Variants in PTPRU observed in about 807,000 individuals in gnomAD.
PTPRU encodes the protein receptor-type tyrosine-protein phosphatase U.
Under a neutral mutation model 166.3 loss-of-function variants are expected in PTPRU, and 69 were observed. That is an observed-to-expected ratio of 0.41 (90% CI 0.34 to 0.51). The LOEUF is 0.51. Ranked by LOEUF, PTPRU falls within the 20% of genes least tolerant of loss-of-function variation. The pLI, the probability that PTPRU is intolerant of heterozygous loss-of-function variation, is 0.09. For synonymous variants in PTPRU, 793 were observed against 814.0 expected, an observed-to-expected ratio of 0.97 and a Z score of 0.44; for missense variants, 1,657 against 2,013.7, an observed-to-expected ratio of 0.82 and a Z score of 3.39.
At chr1:29,318,413 A>G (rs942142733) in intron 25 of PTPRU, among the ~76,000 whole-genome samples, 2 of 152,212 alleles carry the variant, frequency 1.3e-5, no homozygotes, top group African/African-American at 2.4e-5. Flanking sequence ...CCCTGCTTCA[A>G]GCTCAGGGGC....
chr1:29,290,801 C>G (rs1180434002), intron 14 of PTPRU, among the ~76,000 whole-genome samples: 2 of 152,284 alleles, frequency 1.3e-5, no homozygotes. Flanking sequence ...TCTGCTTAAT[C>G]TCACATTGAG....
At chr1:29,239,266 C>T (rs562550568) in intron 1 of PTPRU, among the ~76,000 whole-genome samples, 1 of 152,152 alleles carries the variant, frequency 6.6e-6, no homozygotes, top group Non-Finnish European at 1.5e-5. Context: ...CCGGAGCTTC[C>T]GGGTAGGGGC....
chr1:29,289,804 C>T, intron 14 of PTPRU: 1 of 1,471,358 alleles, frequency 6.8e-7, no homozygotes, highest in Non-Finnish European at 9.4e-7. Context: ...AGTCTCGCTG[C>T]ACCCAGCCTG....
rs1412248490 is a variant in PTPRU at position 29,292,027 on chromosome 1, G to A, written c.2476+1G>A. 6.2e-7 allele frequency: 1 copy of A among 1,613,836 alleles called. No individual in the cohort carries two copies. The highest frequency in any genetic ancestry group is 8.5e-7 in the Non-Finnish European group (1 of 1,179,930). On this transcript the variant is annotated splice_donor_variant, in intron 15 of 29. Transcript: ENST00000373779. LOFTEE classifies it high-confidence loss of function. ...GACACCCATGGCTACAGCACCCGGG[G>A]TGAGTGCCCGGCCCTCCTACCCCTT...
At chr1:29,266,125 A>T (rs377111317) in intron 7 of PTPRU, among the ~76,000 whole-genome samples, 2 of 141,840 alleles carry the variant, frequency 1.4e-5, no homozygotes, top group East Asian at 4.2e-4. Flanking sequence ...GGCTCAAGTG[A>T]TTCTCCTGCT....
chr1:29,300,314 AAC>A (rs1253727406), intron 15 of PTPRU, among the ~76,000 whole-genome samples: 2 of 152,206 alleles, frequency 1.3e-5, no homozygotes, highest in Non-Finnish European at 2.9e-5. Flanking sequence ...ATGTTTATGA[AAC>A]ATTGCTGTTT....
chr1:29,297,971 A>G (rs931274778), intron 15 of PTPRU, among the ~76,000 whole-genome samples: 1 of 152,012 alleles, frequency 6.6e-6, no homozygotes, highest in African/African-American at 2.4e-5. Context: ...TGGAAACTCA[A>G]AAGGTGCTAG....
At position 29,295,044 on chromosome 1, in the gene PTPRU, TCTG is replaced by T. The variant is rs1331722365; in HGVS notation, c.2476+3019_2476+3021del. Among the ~76,000 whole-genome samples the T allele has an allele frequency of 7.9e-5, 12 of 152,168 alleles. No homozygotes were observed. In the East Asian group the frequency reaches 9.6e-4, roughly 12 times the overall value. ...GCTATTTTTGTTTTCATTCTCTCTC[TCTG>T]TCTTAATGAGATAGGATCTAGCTCT... On this transcript the variant is annotated intron_variant, in intron 15 of 29. Transcript: ENST00000373779.
intron 7 of PTPRU, among the ~76,000 whole-genome samples, chr1:29,262,928 T>C (rs1685135812): frequency 6.6e-6 from 1 of 152,228 alleles, no homozygotes. Flanking sequence ...TTCACATAAA[T>C]GGAATCATAT....
At chr1:29,292,256 C>T (rs1276891650) in intron 15 of PTPRU, among the ~76,000 whole-genome samples, 1 of 152,190 alleles carries the variant, frequency 6.6e-6, no homozygotes, top group African/African-American at 2.4e-5. Context: ...ATGCAAGGTC[C>T]ATTGTGACAG....
At chr1:29,241,792 G>C (rs886784187) in intron 1 of PTPRU, among the ~76,000 whole-genome samples, 19 of 144,584 alleles carry the variant, frequency 1.3e-4, no homozygotes, top group Non-Finnish European at 2.9e-4. Context: ...ACTGGGTTTC[G>C]TCATGTTGGT....
At chr1:29,310,938 C>T (rs773063712) in intron 19 of PTPRU, among the ~76,000 whole-genome samples, 158 bp downstream of exon 19, 12 of 152,160 alleles carry the variant, frequency 7.9e-5, no homozygotes, top group Non-Finnish European at 1.8e-4. Context: ...CATCTGCTCC[C>T]GATTCTGCTG....
chr1:29,285,394 C>A (rs906909925), intron 14 of PTPRU, among the ~76,000 whole-genome samples: 10 of 152,148 alleles, frequency 6.6e-5, no homozygotes, highest in African/African-American at 2.2e-4. Context: ...CCTTGAGGAG[C>A]CCTCCTGGGC....
chr1:29,238,287 T>G lies in PTPRU; in HGVS notation c.73+1570T>G, dbSNP rs141206801. Among the ~76,000 whole-genome samples, 427 of 152,198 alleles carry G rather than the reference T, an allele frequency of 2.8e-3. 1 individual carries two copies. The highest frequency in any genetic ancestry group is 0.01 in the Middle Eastern group (3 of 294). ...TGTGTGTGCGTGCGCGTGTTCCACA[T>G]CCCACCCTGAGGCCTGGGATCCTAG... On this transcript the variant is annotated intron_variant, in intron 1 of 29. Coordinates refer to ENST00000373779, the MANE Select transcript of PTPRU (RefSeq NM_133178.4). The surrounding 1 kb of genome is among the most constrained non-coding windows in gnomAD (Gnocchi z 6.1).
At chr1:29,301,757 C>T (rs549678702) in intron 15 of PTPRU, among the ~76,000 whole-genome samples, 20 of 152,098 alleles carry the variant, frequency 1.3e-4, no homozygotes, top group Admixed American at 2.0e-4. Flanking sequence ...TGACAGGCCC[C>T]GGTGTGTGAT....
chr1:29,259,139 G>A, intron 3 of PTPRU, 122 bp from the exon 4 acceptor site: 2 of 1,111,458 alleles, frequency 1.8e-6, no homozygotes, highest in Non-Finnish European at 2.6e-6. Flanking sequence ...GAGGGTCAGT[G>A]TGAGCTGGGC....
At chr1:29,310,601 C>A in intron 18 of PTPRU, 143 bp from the exon 19 acceptor site, 1 of 862,668 alleles carries the variant, frequency 1.2e-6, no homozygotes, top group Non-Finnish European at 1.9e-6. Context: ...CAAAGTCATC[C>A]TGCTTAGGAG....
intron 8 of PTPRU, among the ~76,000 whole-genome samples, chr1:29,277,544 T>C (rs1370449264): frequency 6.6e-6 from 1 of 152,220 alleles, no homozygotes; most frequent in Non-Finnish European, 1.5e-5. Context: ...TTGGTAAATG[T>C]TCCAGTGTAT....
Position 29,279,079 on chromosome 1 carries a change from G to A in PTPRU, c.1521G>A (p.Trp507Ter). 6.3e-7 allele frequency: 1 copy of A among 1,590,646 alleles called. No individual in the cohort carries two copies. The highest frequency in any genetic ancestry group is 8.6e-7 in the Non-Finnish European group (1 of 1,168,078). ...TPLEDMIFLK[W>*]EEPQEPNGLI... ...TGGAGGACATGATCTTCCTCAAGTG[G>A]GAGGAGCCCCAGGAGCCCAATGGTC... Residue 507 changes from tryptophan (W) to a stop codon, truncating the protein, a stop_gained, in exon 9 of 30, where the codon TGG becomes TGA. Transcript: ENST00000373779. LOFTEE classifies it high-confidence loss of function. This position sits in a 1 kb window ranked among gnomAD's most constrained non-coding sequence, Gnocchi z 5.2.
Sources: allele counts gnomAD v4.1 joint callset (sites outside exome capture counted in the v4.1 genomes callset), GRCh38; gene constraint gnomAD v4.1.1; non-coding constraint Gnocchi (gnomAD v3.1); transcripts MANE v1.5; gene names NCBI Gene and HGNC (gene_info 2026-07-23, HGNC 2026-07-21).